Variants in OSBPL1A observed in about 807,000 individuals in gnomAD.
The protein encoded by OSBPL1A is oxysterol-binding protein-related protein 1.
A neutral mutation model predicts 137.1 loss-of-function variants in OSBPL1A; 80 were observed. The ratio of observed to expected loss-of-function variants is 0.58; its 90% CI spans 0.49 to 0.70. The LOEUF is 0.70. Ranked by LOEUF, OSBPL1A falls within the 30% of genes least tolerant of loss-of-function variation. The pLI is 0.00. For missense variants in OSBPL1A, 970 were observed against 1,129.4 expected (o/e 0.86, Z 2.02); for synonymous variants, 365 against 389.7 (o/e 0.94, Z 0.75).
chr18:24,368,285 AC>A lies in OSBPL1A; in HGVS notation c.207+1del, dbSNP rs1905325691. 2 of 1,603,964 alleles carry A rather than the reference AC, an allele frequency of 1.2e-6. No individual in the cohort carries two copies. Among genetic ancestry groups the A allele is most frequent in the East Asian group, 4.5e-5 (2 of 44,796 alleles). ...CATTAAAAATTAAAGTCATAAATAG[AC>A]CTTCAACAGATCCTGGACCACTTGT... On this transcript the variant is annotated splice_donor_variant, in intron 3 of 27. Transcript: ENST00000319481. LOFTEE classifies it high-confidence loss of function.
intron 17 of OSBPL1A, among the ~76,000 whole-genome samples, chr18:24,212,057 G>C (rs570403897): frequency 2.0e-5 from 3 of 151,608 alleles, no homozygotes; most frequent in Non-Finnish European, 2.9e-5. Context: ...TTCATTTCTG[G>C]AATCTGCTTC....
chr18:24,308,856 G>A (rs1052877894), intron 13 of OSBPL1A, among the ~76,000 whole-genome samples: 3 of 151,774 alleles, frequency 2.0e-5, no homozygotes, highest in African/African-American at 7.3e-5. Context: ...TGTGCGCCCC[G>A]CCCCGCTGGG....
intron 7 of OSBPL1A, among the ~76,000 whole-genome samples, chr18:24,330,524 GC>G: frequency 7.1e-6 from 1 of 140,158 alleles, no homozygotes; most frequent in East Asian, 2.1e-4. Flanking sequence ...CACTCTTGTT[GC>G]CCAGGCTGGA....
intron 1 of OSBPL1A, among the ~76,000 whole-genome samples, chr18:24,380,952 CAA>C (rs60495683): frequency 0.29 from 35,525 of 122,892 alleles, 4,725 homozygotes; most frequent in African/African-American, 0.37. Context: ...AATTCCATCT[CAA>C]AAAAAAAAAA....
intron 4 of OSBPL1A, among the ~76,000 whole-genome samples, chr18:24,365,026 A>AAC (rs1491416690): frequency 1.2e-3 from 45 of 37,130 alleles, no homozygotes; most frequent in African/African-American, 4.6e-3. Context: ...AAACAACAAC[A>AAC]AAAAAAAAAA....
chr18:24,343,025 T>C (rs981543581), intron 4 of OSBPL1A, among the ~76,000 whole-genome samples: 3 of 152,016 alleles, frequency 2.0e-5, no homozygotes, highest in Non-Finnish European at 2.9e-5. Flanking sequence ...ACCTAAATAG[T>C]TCATATTAAT....
chr18:24,350,737 G>A (rs1034815612), intron 4 of OSBPL1A, among the ~76,000 whole-genome samples: 3 of 152,142 alleles, frequency 2.0e-5, no homozygotes, highest in Non-Finnish European at 4.4e-5. Flanking sequence ...CCAAAATTCT[G>A]AGAGAAAGTG....
chr18:24,241,587 C>T (rs893534012), intron 15 of OSBPL1A, among the ~76,000 whole-genome samples: 1 of 152,120 alleles, frequency 6.6e-6, no homozygotes, highest in African/African-American at 2.4e-5. Context: ...TACCATCTTA[C>T]GCCAGTTAGA....
intron 15 of OSBPL1A, among the ~76,000 whole-genome samples, chr18:24,250,182 GTTTGTTT>G (rs146621591): frequency 0.58 from 82,265 of 141,990 alleles, 24,269 homozygotes; most frequent in East Asian, 0.88. Context: ...TTGTTTGTTT[GTTTGTTT>G]TTTTTGACAT....
intron 17 of OSBPL1A, among the ~76,000 whole-genome samples, chr18:24,221,543 T>C (rs926071674): frequency 1.3e-5 from 2 of 152,280 alleles, no homozygotes; most frequent in Non-Finnish European, 1.5e-5. Flanking sequence ...CTTGTAAAGA[T>C]ATTGTACATT....
intron 2 of OSBPL1A, among the ~76,000 whole-genome samples, chr18:24,372,771 T>G (rs1306025917): frequency 1.3e-5 from 2 of 152,024 alleles, no homozygotes; most frequent in African/African-American, 4.8e-5. Context: ...AAATCAAAAT[T>G]TCCAAGATCC....
intron 18 of OSBPL1A, among the ~76,000 whole-genome samples, chr18:24,186,869 A>G (rs1457245247): frequency 6.6e-5 from 9 of 137,340 alleles, no homozygotes; most frequent in Non-Finnish European, 1.2e-4. Context: ...ACGCCACTGC[A>G]TTCCAGCCTG....
chr18:24,328,898 T>C (rs1315563010), intron 7 of OSBPL1A, among the ~76,000 whole-genome samples: 1 of 152,214 alleles, frequency 6.6e-6, no homozygotes, highest in Non-Finnish European at 1.5e-5. Flanking sequence ...TTACTTTAAA[T>C]AAAACACATA....
At chr18:24,347,790 C>T (rs970556350) in intron 4 of OSBPL1A, 8 of 134,156 alleles carry the variant, frequency 6.0e-5, no homozygotes, top group South Asian at 2.3e-4. Flanking sequence ...TGCAGTGAGC[C>T]GAGATCATGC....
intron 25 of OSBPL1A, 152 bp downstream of exon 25, chr18:24,167,177 A>G (rs962221015): frequency 1.5e-6 from 1 of 675,556 alleles, no homozygotes; most frequent in Non-Finnish European, 2.6e-6. Context: ...CGCTGAGCTC[A>G]GGCAAGAAGG....
intron 7 of OSBPL1A, among the ~76,000 whole-genome samples, chr18:24,326,771 T>C (rs1401344484): frequency 6.6e-6 from 1 of 152,216 alleles, no homozygotes; most frequent in East Asian, 1.9e-4. Flanking sequence ...GCTTATATTC[T>C]TGAGGTAGTA....
chr18:24,179,416 T>C (rs1284762451), intron 20 of OSBPL1A: 1 of 296,254 alleles, frequency 3.4e-6, no homozygotes, highest in African/African-American at 2.2e-5. Flanking sequence ...ATTGTGCACA[T>C]GTACCCTAAA....
chr18:24,383,046 T>A (rs1906715707), intron 1 of OSBPL1A, among the ~76,000 whole-genome samples: 1 of 152,202 alleles, frequency 6.6e-6, no homozygotes, highest in Non-Finnish European at 1.5e-5. Context: ...TCAACAGTGG[T>A]TACTCCTGTG....
intron 15 of OSBPL1A, among the ~76,000 whole-genome samples, chr18:24,244,777 C>A (rs1388369731): frequency 2.6e-5 from 4 of 152,226 alleles, no homozygotes; most frequent in African/African-American, 9.6e-5. Context: ...CAGTCATGTG[C>A]TAGCCAGCTA....
Sources: gnomAD v4.1 joint callset for allele counts (sites outside exome capture counted in the v4.1 genomes callset) on GRCh38, gnomAD v4.1.1 for gene constraint, MANE v1.5 for transcripts, NCBI Gene and HGNC (gene_info 2026-07-23, HGNC 2026-07-21) for gene names.